The following MAGI2 variants were observed in gnomAD, a reference collection of about 807,000 sequenced individuals.
MAGI2 encodes membrane-associated guanylate kinase, WW and PDZ domain-containing protein 2.
MAGI2 carries 35 observed loss-of-function variants against 133.3 expected under a neutral mutation model. That is an observed-to-expected ratio of 0.26 (90% CI 0.20 to 0.35). The LOEUF is 0.35. Ranked by LOEUF, MAGI2 falls within the 10% of genes least tolerant of loss-of-function variation. MAGI2 has a pLI of 1.00. For synonymous variants in MAGI2, 729 were observed against 710.6 expected (o/e 1.03, Z -0.41); for missense variants, 1,636 against 1,863.4 (o/e 0.88, Z 2.25).
At chr7:78,370,830 A>G (rs1316412141) in intron 6 of MAGI2, among the ~76,000 whole-genome samples, 2 of 152,008 alleles carry the variant, frequency 1.3e-5, no homozygotes, top group Non-Finnish European at 2.9e-5. Context: ...GCAGTTTATA[A>G]TTGAACATAT....
intron 2 of MAGI2, among the ~76,000 whole-genome samples, chr7:78,720,841 G>A (rs1049288530): frequency 1.3e-5 from 2 of 152,024 alleles, no homozygotes; most frequent in African/African-American, 4.8e-5. Flanking sequence ...ACAACCCTTG[G>A]ATCTAACCTG....
At chr7:79,267,742 T>A in intron 1 of MAGI2, among the ~76,000 whole-genome samples, 1 of 152,138 alleles carries the variant, frequency 6.6e-6, no homozygotes, top group East Asian at 1.9e-4. Context: ...AAGTTATTAA[T>A]GTGCGTAAGC....
intron 1 of MAGI2, among the ~76,000 whole-genome samples, chr7:79,077,076 G>A (rs777144071): frequency 6.6e-6 from 1 of 152,154 alleles, no homozygotes; most frequent in Non-Finnish European, 1.5e-5. Flanking sequence ...AGTGACACAA[G>A]GGTGAGAAGA....
chr7:78,450,822 C>G lies in MAGI2; in HGVS notation c.1045+38939G>C, dbSNP rs1788650112. On this transcript the variant is annotated intron_variant, in intron 6 of 21. Transcript: ENST00000354212. ...CATCTAGTTTGTTTTCTAGCATGGG[C>G]AGTCATTAGTCTACTCATTCATTCA... 1.3e-5 allele frequency among the ~76,000 whole-genome samples: 2 copies of G among 152,048 alleles called. 1 individual carries two copies. The highest frequency in any genetic ancestry group is 4.1e-4 in the South Asian group (2 of 4,834).
At chr7:78,123,698 G>T (rs751937300) in intron 20 of MAGI2, among the ~76,000 whole-genome samples, 33 of 152,152 alleles carry the variant, frequency 2.2e-4, no homozygotes, top group Non-Finnish European at 1.8e-4. Flanking sequence ...ATTTATAATT[G>T]TTTATTTCTG....
intron 2 of MAGI2, among the ~76,000 whole-genome samples, chr7:78,953,163 C>T (rs1211117475): frequency 6.6e-6 from 1 of 152,158 alleles, no homozygotes; most frequent in Non-Finnish European, 1.5e-5. Flanking sequence ...CTGAACCTCT[C>T]TCCTAACTGA....
chr7:79,366,319 C>T (rs910480193), intron 1 of MAGI2, among the ~76,000 whole-genome samples: 26 of 152,000 alleles, frequency 1.7e-4, no homozygotes, highest in African/African-American at 4.1e-4. Flanking sequence ...TCCATTTATA[C>T]GACATTTTTG....
In MAGI2 at chr7:79,152,902, T is replaced by G. The variant is rs184546234; in HGVS notation, c.302-145696A>C. 3.1e-3 allele frequency among the ~76,000 whole-genome samples: 469 copies of G among 152,322 alleles called. 1 individual carries two copies. The highest frequency in any genetic ancestry group is 0.011 in the African/African-American group (449 of 41,574). On this transcript the variant is annotated intron_variant, in intron 1 of 21. Coordinates refer to ENST00000354212, the MANE Select transcript of MAGI2 (RefSeq NM_012301.4). ...TAAGGTATCAATTTCAACCTCAAAT[T>G]ATCCTCTGAGACAAAACAATGATTT...
intron 1 of MAGI2, among the ~76,000 whole-genome samples, chr7:79,165,992 A>G (rs1160756246): frequency 6.6e-6 from 1 of 152,118 alleles, no homozygotes; most frequent in East Asian, 1.9e-4. Context: ...ATTAGAACAG[A>G]CTTAAAACAA....
chr7:78,923,958 T>A (rs1205515262), intron 2 of MAGI2, among the ~76,000 whole-genome samples: 2 of 152,180 alleles, frequency 1.3e-5, no homozygotes, highest in African/African-American at 4.8e-5. Context: ...TTGAAGCAAT[T>A]GTGAGTGGGA....
At chr7:79,146,376 C>T (rs1822622746) in intron 1 of MAGI2, among the ~76,000 whole-genome samples, 1 of 152,142 alleles carries the variant, frequency 6.6e-6, no homozygotes, top group Non-Finnish European at 1.5e-5. Flanking sequence ...TGGAAGTTGC[C>T]TCTTATGATC....
chr7:78,250,308 A>G (rs903972232), intron 10 of MAGI2, among the ~76,000 whole-genome samples: 1 of 152,116 alleles, frequency 6.6e-6, no homozygotes, highest in African/African-American at 2.4e-5. Context: ...ATAGGTCAAA[A>G]AAGAAATTAC....
chr7:78,819,793 T>C (rs1216029121), intron 2 of MAGI2, among the ~76,000 whole-genome samples: 1 of 152,000 alleles, frequency 6.6e-6, no homozygotes, highest in African/African-American at 2.4e-5. Context: ...TTTATAATCA[T>C]CTAAAAGAGC....
intron 6 of MAGI2, chr7:78,487,510 A>C (rs1793158004): frequency 6.6e-6 from 1 of 152,168 alleles, no homozygotes; most frequent in African/African-American, 2.4e-5. Flanking sequence ...GCTTTTGCAC[A>C]GTGAGCGCAA....
intron 1 of MAGI2, among the ~76,000 whole-genome samples, chr7:79,249,430 A>G (rs1833066281): frequency 6.6e-6 from 1 of 152,086 alleles, no homozygotes; most frequent in South Asian, 2.1e-4. Context: ...GATTTAAATA[A>G]TAAAATTTAA....
chr7:79,045,430 A>C (rs1812082570), intron 1 of MAGI2, among the ~76,000 whole-genome samples: 1 of 152,232 alleles, frequency 6.6e-6, no homozygotes, highest in South Asian at 2.1e-4. Flanking sequence ...ATGATGTTAT[A>C]TAAATGAAGG....
intron 20 of MAGI2, among the ~76,000 whole-genome samples, chr7:78,108,464 T>G (rs897714061): frequency 6.6e-6 from 1 of 152,224 alleles, no homozygotes; most frequent in African/African-American, 2.4e-5. Context: ...TCAGATGAAG[T>G]CTTCTGTAAA....
intron 1 of MAGI2, among the ~76,000 whole-genome samples, chr7:79,224,290 G>T (rs554755093): frequency 2.4e-4 from 37 of 152,080 alleles, no homozygotes; most frequent in Admixed American, 5.9e-4. Flanking sequence ...CTATTGCCTG[G>T]AGAATACAAT....
chr7:78,948,542 T>C (rs1801616134), intron 2 of MAGI2, among the ~76,000 whole-genome samples: 1 of 152,096 alleles, frequency 6.6e-6, no homozygotes, highest in South Asian at 2.1e-4. Flanking sequence ...CCACATCTTG[T>C]AGACAGTTAA....
Sources: allele counts gnomAD v4.1 joint callset (sites outside exome capture counted in the v4.1 genomes callset), GRCh38; gene constraint gnomAD v4.1.1; transcripts MANE v1.5; gene names NCBI Gene and HGNC (gene_info 2026-07-23, HGNC 2026-07-21).